BMP7: variants seen among roughly 807,000 people sequenced by gnomAD.
BMP7 encodes bone morphogenetic protein 7.
BMP7 carries 12 observed loss-of-function variants against 41.2 expected under a neutral mutation model. The ratio of observed to expected loss-of-function variants is 0.29; its 90% confidence interval spans 0.19 to 0.47. The LOEUF is 0.47. Among genes scored for constraint, BMP7 ranks in the 20% least tolerant of loss-of-function variants. The pLI, the probability that BMP7 is intolerant of heterozygous loss-of-function variation, is 0.99. For missense variants in BMP7, 467 were observed against 606.0 expected (o/e 0.77, Z 2.41); for synonymous variants, 248 against 250.0 (o/e 0.99, Z 0.07).
intron 2 of BMP7, among the ~76,000 whole-genome samples, chr20:57,205,681 G>A (rs6025439): frequency 4.3e-4 from 66 of 152,284 alleles, no homozygotes; most frequent in African/African-American, 1.5e-3. Context: ...ACAGGCCCTC[G>A]AGGACAGTAA....
At chr20:57,179,544 C>A (rs1012974621) in intron 4 of BMP7, among the ~76,000 whole-genome samples, 4 of 152,330 alleles carry the variant, frequency 2.6e-5, no homozygotes, top group Admixed American at 1.3e-4. Context: ...AGGGGGCTGG[C>A]GGGCAGGAAA....
intron 1 of BMP7, among the ~76,000 whole-genome samples, chr20:57,231,236 G>A (rs1237874215): frequency 2.0e-5 from 3 of 152,210 alleles, no homozygotes; most frequent in Non-Finnish European, 4.4e-5. Flanking sequence ...CACCGTGCAT[G>A]TTCATTCATC....
Position 57,170,880 on chromosome 20 carries a change from G to T in BMP7, c.*79C>A, listed in dbSNP as rs1212596216. 1.9e-6 allele frequency: 3 copies of T among 1,569,346 alleles called. No individual in the cohort carries two copies. In the African/African-American group the frequency reaches 4.0e-5, roughly 21 times the overall value. On this transcript the variant is annotated 3_prime_UTR_variant, in exon 7 of 7. Coordinates refer to ENST00000395863, the MANE Select transcript of BMP7 (RefSeq NM_001719.3). ...GGGAAGGTCTCACAAAAGGCAGTTG[G>T]TCTGCTGGTTCCTGGCCAAGGCGAG...
intron 2 of BMP7, among the ~76,000 whole-genome samples, chr20:57,223,162 G>T (rs575426995): frequency 6.6e-6 from 1 of 151,912 alleles, no homozygotes; most frequent in Non-Finnish European, 1.5e-5. Flanking sequence ...CTTGAGAGGT[G>T]GAGGTTGCAG....
chr20:57,226,035 C>T (rs1382000743), intron 2 of BMP7: 1 of 446,652 alleles, frequency 2.2e-6, no homozygotes, highest in African/African-American at 2.0e-5. Context: ...AATGGGCACC[C>T]CCAGCCCAAG....
rs1223652408 is a variant in BMP7 at position 57,228,858 on chromosome 20, T to C, written c.419-437A>G. 1.3e-5 allele frequency among the ~76,000 whole-genome samples: 2 copies of C among 152,234 alleles called. No individual in the cohort carries two copies. Among genetic ancestry groups the C allele is most frequent in the Non-Finnish European group, 2.9e-5 (2 of 68,032 alleles). ...GATTGTAATCCTCCTTCATGGGTTA[T>C]GGTCAGGGTTGAATGATCTCATTCA... On this transcript the variant is annotated intron_variant, in intron 1 of 6. Transcript: ENST00000395863. This position sits in a 1 kb window ranked among gnomAD's most constrained non-coding sequence, Gnocchi z 4.5.
chr20:57,216,489 CGCTGTCTCCTG>C (rs1985022122), intron 2 of BMP7, among the ~76,000 whole-genome samples: 1 of 133,694 alleles, frequency 7.5e-6, no homozygotes, highest in Non-Finnish European at 1.5e-5. Context: ...AGGACGAGGG[CGCTGTCTCCTG>C]AGGGCGAGGG....
intron 2 of BMP7, among the ~76,000 whole-genome samples, chr20:57,207,823 T>G (rs1421240132): frequency 1.5e-5 from 2 of 137,438 alleles, no homozygotes; most frequent in Non-Finnish European, 3.1e-5. Context: ...TTTTTTTTTT[T>G]TTTTTTTTTT....
At chr20:57,244,326 C>T (rs1454382190) in intron 1 of BMP7, among the ~76,000 whole-genome samples, 1 of 152,358 alleles carries the variant, frequency 6.6e-6, no homozygotes, top group East Asian at 1.9e-4. Context: ...AAGCTATTCG[C>T]TCTGATTGCT....
rs1480576550 is a variant in BMP7 at position 57,171,431 on chromosome 20, C to T, written c.1147-323G>A. 2.0e-5 allele frequency among the ~76,000 whole-genome samples: 3 copies of T among 152,104 alleles called. No homozygotes were observed. Among genetic ancestry groups the T allele is most frequent in the Non-Finnish European group, 4.4e-5 (3 of 68,024 alleles). ...GCACTGTAGATTGCTGAATAGTGTC[C>T]CTGACTTGGACCCACTAGAAGTGCT... On this transcript the variant is annotated intron_variant, in intron 6 of 6. Coordinates refer to ENST00000395863, the MANE Select transcript of BMP7 (RefSeq NM_001719.3). This position sits in a 1 kb window ranked among gnomAD's most constrained non-coding sequence, Gnocchi z 4.5.
chr20:57,201,624 A>G (rs1984622810), intron 3 of BMP7, among the ~76,000 whole-genome samples: 1 of 152,250 alleles, frequency 6.6e-6, no homozygotes, highest in East Asian at 1.9e-4. Context: ...AAAGGCAAAC[A>G]TTGTGAAGGT....
At chr20:57,254,017 C>CTTTTTTTTTTTTTTTTTTTTTTTTTTTT (rs35180643) in intron 1 of BMP7, among the ~76,000 whole-genome samples, 2 of 71,532 alleles carry the variant, frequency 2.8e-5, no homozygotes, top group Non-Finnish European at 4.8e-5. Context: ...GGTTTCTTTC[C>CTTTTTTTTTTTTTTTTTTTTTTTTTTTT]TTTTTTTTTT....
At chr20:57,255,926 G>A (rs763078525) in intron 1 of BMP7, among the ~76,000 whole-genome samples, 3 of 151,846 alleles carry the variant, frequency 2.0e-5, no homozygotes, top group Non-Finnish European at 4.4e-5. Flanking sequence ...TGTATCTTCC[G>A]GGGAAACACC....
chr20:57,180,131 C>G (rs995553096), intron 4 of BMP7, among the ~76,000 whole-genome samples: 1 of 152,150 alleles, frequency 6.6e-6, no homozygotes. Context: ...CCCCTCGGCA[C>G]CCACCCTGTT....
In BMP7 at chr20:57,251,786, T is replaced by A. The variant is rs556935593; in HGVS notation, c.418+13919A>T. On this transcript the variant is annotated intron_variant, in intron 1 of 6. Transcript: ENST00000395863. ...CTGTCTCCACTAAAAATACAAAAAT[T>A]ATCTGGGCGTGGTGATGCACGCCTG... 2.0e-5 allele frequency among the ~76,000 whole-genome samples: 3 copies of A among 152,168 alleles called. No individual in the cohort carries two copies. In the East Asian group the frequency reaches 5.8e-4, roughly 29 times the overall value.
At chr20:57,247,361 C>T (rs2123137493) in intron 1 of BMP7, among the ~76,000 whole-genome samples, 1 of 152,336 alleles carries the variant, frequency 6.6e-6, no homozygotes, top group Middle Eastern at 3.4e-3. Flanking sequence ...GTCCCACAGT[C>T]ACAAGATGGC....
intron 1 of BMP7, among the ~76,000 whole-genome samples, chr20:57,242,041 C>T (rs537881560): frequency 7.2e-5 from 11 of 152,298 alleles, no homozygotes; most frequent in Admixed American, 2.6e-4. Context: ...CGGCTTCCCA[C>T]CTCCCAGAGG....
intron 2 of BMP7, among the ~76,000 whole-genome samples, chr20:57,203,857 T>A (rs1984675918): frequency 6.6e-6 from 1 of 152,256 alleles, no homozygotes; most frequent in Non-Finnish European, 1.5e-5. Flanking sequence ...TAGTGAATCT[T>A]GTCTGCTCAC....
At chr20:57,195,064 G>A (rs772993400) in intron 3 of BMP7, among the ~76,000 whole-genome samples, 10 of 152,198 alleles carry the variant, frequency 6.6e-5, no homozygotes, top group Non-Finnish European at 8.8e-5. Context: ...CTGAGGACAG[G>A]GCCCAGCCGT....
Sources: gnomAD v4.1 joint callset for allele counts (sites outside exome capture counted in the v4.1 genomes callset) on GRCh38, gnomAD v4.1.1 for gene constraint, Gnocchi (gnomAD v3.1) non-coding constraint, MANE v1.5 for transcripts, NCBI Gene and HGNC (gene_info 2026-07-23, HGNC 2026-07-21) for gene names.